Variants in ARSG observed in about 807,000 individuals in gnomAD.
ARSG encodes arylsulfatase G.
In ARSG, 37 loss-of-function variants were observed where a neutral mutation model predicts 50.5. The ratio of observed to expected loss-of-function variants is 0.73; its 90% confidence interval spans 0.56 to 0.96. The LOEUF (loss-of-function observed/expected upper bound fraction) is 0.96. Ranked by LOEUF, ARSG falls within the 50% of genes least tolerant of loss-of-function variation. The pLI is 0.00. For synonymous variants in ARSG, 225 were observed against 254.6 expected (o/e 0.88, Z 1.11); for missense variants, 629 against 675.3 (o/e 0.93, Z 0.76).
chr17:68,395,827 C>T (rs1037400418), intron 10 of ARSG, among the ~76,000 whole-genome samples: 1 of 152,126 alleles, frequency 6.6e-6, no homozygotes, highest in Non-Finnish European at 1.5e-5. Flanking sequence ...TTGAGTTGAG[C>T]TCCGAGTTCT....
chr17:68,447,721 G>A, the ARSG span, among the ~76,000 whole-genome samples: 4 of 152,068 alleles, frequency 2.6e-5, no homozygotes, highest in South Asian at 2.1e-4. Flanking sequence ...GGCCAGGTGC[G>A]GTGGCTCACA....
chr17:68,259,303 C>T (rs2075037710), exon 1 of ARSG: 1 of 152,236 alleles, frequency 6.6e-6, no homozygotes, highest in Non-Finnish European at 1.5e-5. Flanking sequence ...CTTCCCCTGG[C>T]GTCAGCGACC....
chr17:68,436,430 A>G, the ARSG span: 1 of 1,614,096 alleles, frequency 6.2e-7, no homozygotes, highest in Non-Finnish European at 8.5e-7. Context: ...TCAGGCTTCC[A>G]GGATAGGCCA....
intron 11 of ARSG, among the ~76,000 whole-genome samples, chr17:68,408,478 T>G (rs1265145543): frequency 6.6e-6 from 1 of 152,068 alleles, no homozygotes; most frequent in Non-Finnish European, 1.5e-5. Context: ...GGCTGCATAG[T>G]ATTCCATGGT....
the ARSG span, chr17:68,435,632 A>C: frequency 1.2e-6 from 2 of 1,614,130 alleles, no homozygotes; most frequent in Non-Finnish European, 1.7e-6. Context: ...TTTCAGACGC[A>C]CTTGCTAGTT....
intron 11 of ARSG, among the ~76,000 whole-genome samples, chr17:68,402,625 C>T (rs950407958): frequency 6.6e-6 from 1 of 151,768 alleles, no homozygotes; most frequent in Non-Finnish European, 1.5e-5. Context: ...CCCTGGTTCA[C>T]GCCATTCTCC....
chr17:68,384,610 T>G (rs2080607385), intron 8 of ARSG, among the ~76,000 whole-genome samples: 1 of 152,236 alleles, frequency 6.6e-6, no homozygotes, highest in Admixed American at 6.5e-5. Flanking sequence ...GTTTCCTTCT[T>G]TCTCTCTTCT....
chr17:68,422,258 G>A (rs146411986), downstream of ARSG: 387 of 155,312 alleles, frequency 2.5e-3, 2 homozygotes, highest in African/African-American at 9.5e-3. Context: ...AAACCCCATC[G>A]CTACTAAAAA....
intron 9 of ARSG, among the ~76,000 whole-genome samples, chr17:68,394,252 T>C (rs72841859): frequency 0.039 from 5,973 of 152,212 alleles, 318 homozygotes; most frequent in East Asian, 0.22. Flanking sequence ...CAGTTCATGG[T>C]AAGTACTTAG....
intron 1 of ARSG, among the ~76,000 whole-genome samples, chr17:68,284,057 C>G (rs1331636714): frequency 6.8e-6 from 1 of 148,018 alleles, no homozygotes; most frequent in Non-Finnish European, 1.5e-5. Context: ...CACCACTGCA[C>G]TCCAGCCTAG....
At chr17:68,262,789 G>A (rs1311577064) in intron 1 of ARSG, among the ~76,000 whole-genome samples, 1 of 150,288 alleles carries the variant, frequency 6.7e-6, no homozygotes, top group Non-Finnish European at 1.5e-5. Context: ...GATTGGATGT[G>A]TGGAGGAGTG....
chr17:68,329,962 C>T (rs1308289393), intron 2 of ARSG, among the ~76,000 whole-genome samples: 1 of 152,204 alleles, frequency 6.6e-6, no homozygotes, highest in Non-Finnish European at 1.5e-5. Flanking sequence ...GAAATCCCAG[C>T]ACTTTGGGAA....
chr17:68,392,894 A>T (rs957442116), intron 9 of ARSG, among the ~76,000 whole-genome samples: 1 of 152,256 alleles, frequency 6.6e-6, no homozygotes, highest in African/African-American at 2.4e-5. Context: ...TAGATCTTTT[A>T]TAACACAGAG....
intron 11 of ARSG, among the ~76,000 whole-genome samples, chr17:68,419,440 G>C (rs1455585070): frequency 2.0e-5 from 3 of 152,122 alleles, no homozygotes; most frequent in Admixed American, 6.5e-5. Flanking sequence ...GCCGAGCGTG[G>C]TGGCAGGTGC....
chr17:68,385,249 G>A, intron 9 of ARSG, 77 bp downstream of exon 9: 5 of 1,306,580 alleles, frequency 3.8e-6, no homozygotes, highest in Non-Finnish European at 1.1e-6. Context: ...GCTAGATGGA[G>A]GCATGGGTGG....
chr17:68,355,977 G>A (rs898441490), intron 5 of ARSG, among the ~76,000 whole-genome samples: 2 of 152,052 alleles, frequency 1.3e-5, no homozygotes, highest in African/African-American at 4.8e-5. Flanking sequence ...CGCCTCCCGG[G>A]TTCAAATGAT....
chr17:68,398,261 GC>G (rs548549638), intron 10 of ARSG, among the ~76,000 whole-genome samples: 148 of 152,176 alleles, frequency 9.7e-4, no homozygotes, highest in Non-Finnish European at 1.7e-3. Context: ...ACATATGTAT[GC>G]CTATGCATGT....
the ARSG span, chr17:68,435,767 T>A: frequency 2.7e-6 from 4 of 1,489,504 alleles, no homozygotes; most frequent in East Asian, 9.0e-5. Context: ...GAAGATGGAT[T>A]TCACCTCCCT....
Position 68,273,946 on chromosome 17 carries a change from G to A in ARSG, c.-552+14520G>A, listed in dbSNP as rs201209320. ...ACTTACCAGAGATGATGCCGATGGC[G>A]ACGTACATATGAGAAACCTCTTGTG... On this transcript the variant is annotated intron_variant, in intron 1 of 11. Transcript: ENST00000448504. The A allele has an allele frequency of 7.1e-4, 1,143 of 1,614,090 alleles. 5 individuals are homozygous for A. The highest frequency in any genetic ancestry group is 3.3e-3 in the Middle Eastern group (20 of 6,062).
Sources: gnomAD v4.1 joint callset for allele counts (sites outside exome capture counted in the v4.1 genomes callset) on GRCh38, gnomAD v4.1.1 for gene constraint, MANE v1.5 for transcripts, NCBI Gene and HGNC (gene_info 2026-07-23, HGNC 2026-07-21) for gene names.